Variants in NAALADL2 observed in about 807,000 individuals in gnomAD.
NAALADL2 encodes the protein N-acetylated alpha-linked acidic dipeptidase like 2.
NAALADL2 carries 76 observed loss-of-function variants against 87.2 expected under a neutral mutation model. That is an observed-to-expected ratio of 0.87 (90% CI 0.72 to 1.05). The LOEUF (loss-of-function observed/expected upper bound fraction) is 1.05. NAALADL2 is among the 50% of genes least tolerant of loss of function. NAALADL2 has a pLI of 0.00. For missense variants in NAALADL2, 1,089 were observed against 945.8 expected, an observed-to-expected ratio of 1.15 and a Z score of -1.99; for synonymous variants, 354 against 331.0, an observed-to-expected ratio of 1.07 and a Z score of -0.75.
In NAALADL2 at chr3:174,787,283, C is replaced by T. The variant is rs544838791; in HGVS notation, c.-9+49537C>T. On this transcript the variant is annotated intron_variant, in intron 3 of 3. Coordinates refer to the NAALADL2 transcript ENST00000434257. ...GAAAACACTGAAAGTGTAATGAAAA[C>T]ACAATGCCCAAGACTGCATAAATGC... is the stretch of plus-strand genomic sequence containing the variant. Among the ~76,000 whole-genome samples the T allele has an allele frequency of 5.3e-5, 8 of 151,600 alleles. No individual in the cohort carries two copies. The South Asian group carries it at 1.7e-3, about 31-fold the overall frequency.
In NAALADL2 at chr3:174,654,937, G is replaced by A. The variant is rs148885171; in HGVS notation, c.-114-82704G>A. 6.8e-3 allele frequency among the ~76,000 whole-genome samples: 1,039 copies of A among 152,006 alleles called. 13 individuals are homozygous for A. The highest frequency in any genetic ancestry group is 0.024 in the African/African-American group (996 of 41,490). ...TTTTTAGTAGAGACGGGGTTTCACC[G>A]TGTTAGCCAGGATGGTCTCGATCTC... On this transcript the variant is annotated intron_variant, in intron 2 of 3. Coordinates refer to the NAALADL2 transcript ENST00000434257.
intron 11 of NAALADL2, among the ~76,000 whole-genome samples, chr3:175,725,771 T>A (rs1290029707): frequency 6.6e-6 from 1 of 152,190 alleles, no homozygotes; most frequent in Non-Finnish European, 1.5e-5. Flanking sequence ...GCAATGCTTC[T>A]ATTTTCTCAT....
chr3:175,010,848 T>G (rs539784197), intron 1 of NAALADL2, among the ~76,000 whole-genome samples: 7 of 152,226 alleles, frequency 4.6e-5, no homozygotes, highest in African/African-American at 1.7e-4. Flanking sequence ...CTCAGACAGT[T>G]CATAGCTGTA....
chr3:175,094,789 T>A (rs899498826), intron 1 of NAALADL2, among the ~76,000 whole-genome samples: 16 of 150,840 alleles, frequency 1.1e-4, no homozygotes, highest in African/African-American at 3.7e-4. Flanking sequence ...TGTGTGTGTG[T>A]GAATATTATA....
intron 1 of NAALADL2, among the ~76,000 whole-genome samples, chr3:174,962,680 C>T (rs1025918317): frequency 2.6e-5 from 4 of 151,812 alleles, no homozygotes; most frequent in African/African-American, 9.7e-5. Flanking sequence ...AAACTGGGAG[C>T]TGAAACTTGT....
intron 5 of NAALADL2, among the ~76,000 whole-genome samples, chr3:175,395,612 A>G (rs1769676916): frequency 6.6e-6 from 1 of 152,210 alleles, no homozygotes; most frequent in Non-Finnish European, 1.5e-5. Flanking sequence ...TAAAATTTCA[A>G]TATGACCACA....
intron 3 of NAALADL2, among the ~76,000 whole-genome samples, chr3:174,832,267 C>T (rs1023918969): frequency 2.0e-5 from 3 of 152,014 alleles, no homozygotes; most frequent in Non-Finnish European, 2.9e-5. Flanking sequence ...TTTCCCTCTA[C>T]ACACTGCTTT....
At chr3:175,419,226 G>A (rs950184056) in intron 5 of NAALADL2, among the ~76,000 whole-genome samples, 1 of 151,668 alleles carries the variant, frequency 6.6e-6, no homozygotes, top group Non-Finnish European at 1.5e-5. Flanking sequence ...TATGACAAGG[G>A]TTTTTGAAAT....
At chr3:175,102,001 A>G (rs1722293930) in intron 2 of NAALADL2, among the ~76,000 whole-genome samples, 1 of 152,180 alleles carries the variant, frequency 6.6e-6, no homozygotes, top group African/African-American at 2.4e-5. Flanking sequence ...TTCCCTATCA[A>G]TCAGAAAATT....
At chr3:175,799,473 T>C (rs1262502610) in intron 13 of NAALADL2, among the ~76,000 whole-genome samples, 3 of 152,122 alleles carry the variant, frequency 2.0e-5, no homozygotes, top group African/African-American at 2.4e-5. Flanking sequence ...AGATTATGAA[T>C]GTAAATATGT....
intron 4 of NAALADL2, among the ~76,000 whole-genome samples, chr3:175,276,912 C>T (rs896701369): frequency 3.9e-5 from 6 of 152,018 alleles, no homozygotes; most frequent in African/African-American, 1.4e-4. Context: ...TCCAGAGGCA[C>T]AAAAATATGC....
At chr3:175,345,981 A>T (rs1763115737) in intron 5 of NAALADL2, among the ~76,000 whole-genome samples, 1 of 152,176 alleles carries the variant, frequency 6.6e-6, no homozygotes, top group African/African-American at 2.4e-5. Flanking sequence ...GATTTATTTA[A>T]TTGGCAAATT....
intron 13 of NAALADL2, among the ~76,000 whole-genome samples, chr3:175,757,728 G>T (rs1226496592): frequency 6.6e-6 from 1 of 151,792 alleles, no homozygotes; most frequent in Non-Finnish European, 1.5e-5. Context: ...TCCTTGATGA[G>T]GTATATTCTA....
At chr3:175,073,402 C>T (rs933431514) in intron 1 of NAALADL2, among the ~76,000 whole-genome samples, 3 of 151,972 alleles carry the variant, frequency 2.0e-5, no homozygotes, top group African/African-American at 7.2e-5. Context: ...CTCTATATTT[C>T]TCTTCTAAAT....
chr3:174,483,106 G>C (rs1717659403), intron 1 of NAALADL2, among the ~76,000 whole-genome samples: 1 of 151,922 alleles, frequency 6.6e-6, no homozygotes, highest in Admixed American at 6.6e-5. Flanking sequence ...CTGACTTTAG[G>C]CCACAGTTAC....
chr3:174,842,971 T>C (rs955587177), intron 3 of NAALADL2, among the ~76,000 whole-genome samples: 15 of 152,320 alleles, frequency 9.8e-5, no homozygotes, highest in African/African-American at 3.4e-4. Context: ...TTTTCAATTT[T>C]TTTAAAAATT....
At chr3:175,515,677 C>T (rs1731740956) in intron 9 of NAALADL2, among the ~76,000 whole-genome samples, 1 of 152,142 alleles carries the variant, frequency 6.6e-6, no homozygotes, top group Non-Finnish European at 1.5e-5. Context: ...ATCAGATAAG[C>T]CGGCAAATCA....
chr3:175,360,975 C>A (rs560554492), intron 5 of NAALADL2, among the ~76,000 whole-genome samples: 1 of 151,754 alleles, frequency 6.6e-6, no homozygotes, highest in South Asian at 2.1e-4. Flanking sequence ...CCCATTAACT[C>A]ATCATTTACA....
chr3:174,481,039 TA>T (rs1244645353), intron 1 of NAALADL2, among the ~76,000 whole-genome samples: 1 of 152,032 alleles, frequency 6.6e-6, no homozygotes, highest in Non-Finnish European at 1.5e-5. Flanking sequence ...AGTGAGCCTA[TA>T]AGAAAATCAG....
Sources: gnomAD v4.1 joint callset for allele counts (sites outside exome capture counted in the v4.1 genomes callset) on GRCh38, gnomAD v4.1.1 for gene constraint, MANE v1.5 for transcripts, NCBI Gene and HGNC (gene_info 2026-07-23, HGNC 2026-07-21) for gene names.